WLS: variants seen among roughly 807,000 people sequenced by gnomAD.
WLS encodes the protein Wnt ligand secretion mediator.
In WLS, 23 loss-of-function variants were observed where a neutral mutation model predicts 62.8. The observed-to-expected ratio is 0.37, with a 90% confidence interval of 0.26 to 0.52. The LOEUF is 0.52. Ranked by LOEUF, WLS falls within the 20% of genes least tolerant of loss-of-function variation. WLS has a pLI of 0.92. For synonymous variants in WLS, 246 were observed against 244.1 expected, an observed-to-expected ratio of 1.01 and a Z score of -0.07; for missense variants, 615 against 697.3, an observed-to-expected ratio of 0.88 and a Z score of 1.33.
chr1:68,153,722 T>G, intron 4 of WLS, 69 bp from the exon 5 acceptor site: 1 of 1,603,474 alleles, frequency 6.2e-7, no homozygotes, highest in Non-Finnish European at 8.5e-7. Flanking sequence ...TAGCAAATGC[T>G]TTTGTGGGAG....
At chr1:68,120,435 G>A (rs1195815583), downstream of WLS, among the ~76,000 whole-genome samples, 1 of 152,196 alleles carries the variant, frequency 6.6e-6, no homozygotes, top group East Asian at 1.9e-4. Context: ...TTTGGTTCTA[G>A]TGAGAGTTGC....
intron 2 of WLS, among the ~76,000 whole-genome samples, chr1:68,174,254 G>T (rs2100549149): frequency 6.6e-6 from 1 of 152,312 alleles, no homozygotes; most frequent in East Asian, 1.9e-4. Flanking sequence ...CATCGCCCTG[G>T]TGACTAAGCT....
At chr1:68,109,971 A>G (rs1249518567) in intron 11 of WLS, among the ~76,000 whole-genome samples, 2 of 147,274 alleles carry the variant, frequency 1.4e-5, no homozygotes, top group Non-Finnish European at 3.0e-5. Context: ...AAATCATTGA[A>G]TCAACTGAAT....
Position 68,221,692 on chromosome 1 carries a change from T to C in WLS, c.106+10502A>G, listed in dbSNP as rs956271530. Among the ~76,000 whole-genome samples, 3 of 152,198 alleles carry C rather than the reference T, an allele frequency of 2.0e-5. No individual in the cohort carries two copies. In the East Asian group the frequency reaches 5.8e-4, roughly 29 times the overall value. The stretch of plus-strand genomic sequence containing the variant: ...AAAACATGGAACGTAACTTTTTTAG[T>C]GATCACCTGAAGGCAAGCTTGTTAA... On this transcript the variant is annotated intron_variant, in intron 1 of 11. Coordinates refer to ENST00000262348, the MANE Select transcript of WLS (RefSeq NM_024911.7).
At chr1:68,140,389 T>C (rs1646668934) in intron 10 of WLS, among the ~76,000 whole-genome samples, 1 of 152,236 alleles carries the variant, frequency 6.6e-6, no homozygotes, top group African/African-American at 2.4e-5. Flanking sequence ...GAAATTCACT[T>C]CATTGCCCAT....
chr1:68,192,414 AC>A (rs1648361291), intron 2 of WLS, among the ~76,000 whole-genome samples: 1 of 151,610 alleles, frequency 6.6e-6, no homozygotes, highest in Admixed American at 6.6e-5. Context: ...CTCAGGAGAG[AC>A]CCCCATAAAA....
intron 3 of WLS, among the ~76,000 whole-genome samples, chr1:68,158,114 C>T (rs533170365): frequency 6.6e-6 from 1 of 152,312 alleles, no homozygotes; most frequent in Admixed American, 6.5e-5. Flanking sequence ...CAGTGGCTCT[C>T]AAACTTCATA....
chr1:68,179,465 ACT>A (rs1570960136), intron 2 of WLS, among the ~76,000 whole-genome samples: 1 of 152,134 alleles, frequency 6.6e-6, no homozygotes, highest in East Asian at 1.9e-4. Context: ...AATCATGTAA[ACT>A]CTGTCATCCT....
At chr1:68,118,875 CAAAAAAAAAAA>C (rs33982774) in intron 11 of WLS, among the ~76,000 whole-genome samples, 3 of 26,390 alleles carry the variant, frequency 1.1e-4, no homozygotes, top group East Asian at 2.1e-3. Flanking sequence ...GACTCTGTCT[CAAAAAAAAAAA>C]AAAAAAAAAA....
chr1:68,101,910 A>G (rs778979252), intron 11 of WLS, among the ~76,000 whole-genome samples: 4 of 152,234 alleles, frequency 2.6e-5, no homozygotes, highest in Non-Finnish European at 5.9e-5. Context: ...TCATATATTC[A>G]TTCTACTTAG....
intron 1 of WLS, among the ~76,000 whole-genome samples, chr1:68,215,009 T>A (rs1196707010): frequency 1.3e-5 from 2 of 152,188 alleles, no homozygotes; most frequent in South Asian, 4.1e-4. Context: ...GAATTCACTC[T>A]AATTAGACTA....
rs184453898 is a variant in WLS, at chr1:68,126,274, G to A, written c.1578C>T (p.Asp526=). Residue 526 remains aspartate (D), a synonymous_variant, in exon 12 of 12, where the codon GAC becomes GAT. Transcript: ENST00000262348. The part of the protein sequence containing the change: ...LQLTTTITHV[D]GPTEIYKLTR... Reference sequence around the variant, plus strand: ...TCAACTTGTAGATCTCAGTGGGTCCGTCCACATGGGTGATAGTGGTGGTGA... The same window carrying A: ...TCAACTTGTAGATCTCAGTGGGTCCATCCACATGGGTGATAGTGGTGGTGA... 3.6e-4 allele frequency: 577 copies of A among 1,612,170 alleles called. 2 individuals are homozygous for A. The highest frequency in any genetic ancestry group is 2.6e-4 in the Non-Finnish European group (302 of 1,179,398).
exon 12 of WLS, chr1:68,098,483 AG>A (rs1646035918): frequency 1.6e-6 from 2 of 1,265,096 alleles, no homozygotes; most frequent in Non-Finnish European, 2.1e-6. Context: ...CAATACTCAA[AG>A]AATATTTATT....
At chr1:68,148,970 A>G (rs1646789786) in intron 6 of WLS, among the ~76,000 whole-genome samples, 1 of 152,212 alleles carries the variant, frequency 6.6e-6, no homozygotes, top group African/African-American at 2.4e-5. Flanking sequence ...TGTGGTCCAC[A>G]AAATAACTCA....
At chr1:68,219,754 T>G (rs1649870296) in intron 1 of WLS, among the ~76,000 whole-genome samples, 1 of 152,234 alleles carries the variant, frequency 6.6e-6, no homozygotes, top group African/African-American at 2.4e-5. Context: ...TATTTTTTGT[T>G]TAAAATTTCT....
chr1:68,183,587 A>G (rs752800932), intron 2 of WLS: 7 of 532,128 alleles, frequency 1.3e-5, no homozygotes, highest in Non-Finnish European at 2.3e-5. Context: ...TCCTTCTACA[A>G]ATTCACCCAT....
rs191390926 is a variant in WLS, at chr1:68,199,526, A to T, written c.107-5299T>A. ...GCTGGGTCATAGAATATCTAAAACA[A>T]TCATATTTTCTGCAGATATCTGTGC... On this transcript the variant is annotated intron_variant, in intron 1 of 11. Coordinates refer to ENST00000262348, the MANE Select transcript of WLS (RefSeq NM_024911.7). Among the ~76,000 whole-genome samples the T allele has an allele frequency of 2.9e-3, 441 of 152,256 alleles. 4 individuals carry two copies. Among genetic ancestry groups the T allele is most frequent in the Non-Finnish European group, 3.2e-3 (218 of 68,020 alleles).
At chr1:68,173,273 A>G (rs977765200) in intron 2 of WLS, among the ~76,000 whole-genome samples, 3 of 152,242 alleles carry the variant, frequency 2.0e-5, no homozygotes, top group Non-Finnish European at 4.4e-5. Context: ...AATCAACATC[A>G]ATGTGGAAAG....
Position 68,125,737 on chromosome 1 carries a change from A to T in WLS, c.*489T>A. The T allele has an allele frequency of 1.0e-6, 1 of 986,076 alleles. No individual in the cohort carries two copies. The highest frequency in any genetic ancestry group is 1.2e-6 in the Non-Finnish European group (1 of 830,392). 61.1% of individuals were successfully genotyped at this position (986,076 alleles called of 1,614,324 possible). ...TTAACTCAGTGGGCTACCTGGTGAT[A>T]TAAATAGGAAAAAAACAGTGGTCAT... is the stretch of plus-strand genomic sequence containing the variant. On this transcript the variant is annotated 3_prime_UTR_variant, in exon 12 of 12. Transcript: ENST00000262348.
Sources: allele counts gnomAD v4.1 joint callset (sites outside exome capture counted in the v4.1 genomes callset), GRCh38; gene constraint gnomAD v4.1.1; transcripts MANE v1.5; gene names NCBI Gene and HGNC (gene_info 2026-07-23, HGNC 2026-07-21).